Variants in CD300LG observed in about 807,000 individuals in gnomAD.
The protein encoded by CD300LG is CD300 molecule like family member g.
CD300LG carries 29 observed loss-of-function variants against 31.5 expected under a neutral mutation model. The ratio of observed to expected loss-of-function variants is 0.92; its 90% confidence interval spans 0.68 to 1.25. The LOEUF (loss-of-function observed/expected upper bound fraction) is 1.25. CD300LG is among the 50% of genes most tolerant of loss of function. The pLI is 0.00. For missense variants in CD300LG, 396 were observed against 417.6 expected, an observed-to-expected ratio of 0.95 and a Z score of 0.45; for synonymous variants, 175 against 177.2, an observed-to-expected ratio of 0.99 and a Z score of 0.10.
At chr17:43,851,979 G>A (rs527937598) in intron 2 of CD300LG, among the ~76,000 whole-genome samples, 11 of 152,258 alleles carry the variant, frequency 7.2e-5, no homozygotes, top group African/African-American at 2.6e-4. Flanking sequence ...AGACATTACA[G>A]AGGAGTTGAC....
At chr17:43,861,744 C>T in intron 6 of CD300LG, 54 bp from the exon 7 acceptor site, 1 of 1,265,862 alleles carries the variant, frequency 7.9e-7, no homozygotes. Context: ...CCCCTCACAC[C>T]TCCCACCCCT....
Position 43,863,109 on chromosome 17 carries a change from C to G in CD300LG, c.*1198C>G, listed in dbSNP as rs1458124190. 1.3e-5 allele frequency: 2 copies of G among 152,236 alleles called. No homozygotes were observed. Among genetic ancestry groups the G allele is most frequent in the African/African-American group, 4.8e-5 (2 of 41,442 alleles). The allele number at this position is 152,236 out of a possible 1,614,324, so 9.4% of individuals were successfully genotyped here. On this transcript the variant is annotated 3_prime_UTR_variant, in exon 7 of 7. Transcript: ENST00000317310. ...GTGGCACGATCTGCAAACTCCGCCT[C>G]CTGGGTTCAAGTGATTCTTCTGCCT...
At chr17:43,850,741 G>C (rs1477557286) in intron 2 of CD300LG, among the ~76,000 whole-genome samples, 2 of 152,032 alleles carry the variant, frequency 1.3e-5, no homozygotes, top group African/African-American at 2.4e-5. Flanking sequence ...GCCTCTCAAA[G>C]TGCTGAGATT....
rs374785527 is a variant in CD300LG at position 43,848,817 on chromosome 17, C to T, written c.303C>T (p.Asp101=). ...CCCTGTGGAACCTCACCCTGCAAGA[C>T]GCTGGGGAGTACTGGTGTGGGGTCG... ...IVTLWNLTLQ[D]AGEYWCGVEK... The change falls in exon 2 of 7, where the codon GAC becomes GAT. Residue 101 remains aspartate (D), a synonymous_variant. Coordinates refer to ENST00000317310, the MANE Select transcript of CD300LG (RefSeq NM_145273.4). 23 of 1,614,014 alleles carry T rather than the reference C, an allele frequency of 1.4e-5. No individual in the cohort carries two copies. Among genetic ancestry groups the T allele is most frequent in the East Asian group, 2.2e-5 (1 of 44,886 alleles).
Position 43,852,830 on chromosome 17 carries a change from G to A in CD300LG, c.380-82G>A, listed in dbSNP as rs554209444. 3.1e-5 allele frequency: 37 copies of A among 1,182,930 alleles called. 2 individuals carry two copies. The African/African-American group carries it at 5.1e-4, about 16-fold the overall frequency. 73.3% of individuals were successfully genotyped at this position (1,182,930 alleles called of 1,614,324 possible). ...TGCTCTGTGCTGAGGTGGGGGGTAG[G>A]AAAACTGCCAGCTGCTCCCAAGGAA... On this transcript the variant is annotated intron_variant, in intron 2 of 6. Transcript: ENST00000317310.
intron 6 of CD300LG, chr17:43,858,673 CTTGA>C (rs1453362372): frequency 6.1e-6 from 6 of 985,408 alleles, no homozygotes; most frequent in Non-Finnish European, 7.2e-6. Flanking sequence ...TCTGCTTTTT[CTTGA>C]TTATTTCCCT....
At chr17:43,851,015 A>G (rs1394371791) in intron 2 of CD300LG, among the ~76,000 whole-genome samples, 1 of 151,650 alleles carries the variant, frequency 6.6e-6, no homozygotes, top group Non-Finnish European at 1.5e-5. Flanking sequence ...GGTGCCTGTA[A>G]TCCCAGCTAC....
rs1436792266 is a variant in CD300LG at position 43,853,825 on chromosome 17, C to T, written c.500C>T (p.Pro167Leu). 14 of 1,613,694 alleles carry T rather than the reference C, an allele frequency of 8.7e-6. No individual in the cohort carries two copies. The highest frequency in any genetic ancestry group is 2.2e-5 in the East Asian group (1 of 44,892). The change falls in exon 4 of 7, where the codon CCG becomes CTG. Residue 167 changes from proline (P) to leucine (L), a missense_variant. Pro to Leu is a moderately conservative substitution (Grantham distance 98, BLOSUM62 -3). Coordinates refer to ENST00000317310, the MANE Select transcript of CD300LG (RefSeq NM_145273.4). ...CTTGTAGCTTCTCCTGGGCTCTACC[C>T]GGCAGCCACCACAGCCAAGCAGGGG... ...PPGLTSPGLY[P>L]AATTAKQGKT...
intron 6 of CD300LG, chr17:43,858,294 C>T (rs1228801973): frequency 1.3e-5 from 13 of 1,011,932 alleles, no homozygotes; most frequent in Admixed American, 5.2e-5. Context: ...TGGAGACACA[C>T]GGATGGATGG....
intron 2 of CD300LG, 89 bp from the exon 3 acceptor site, chr17:43,852,823 G>A: frequency 9.6e-7 from 1 of 1,037,222 alleles, no homozygotes; most frequent in South Asian, 1.5e-5. Context: ...GCTGAGGTGG[G>A]GGGTAGGAAA....
At chr17:43,854,905 GA>G (rs2046468227) in intron 4 of CD300LG, among the ~76,000 whole-genome samples, 1 of 152,198 alleles carries the variant, frequency 6.6e-6, no homozygotes, top group Admixed American at 6.5e-5. Context: ...CCATTTTACA[GA>G]GGAGGAAATT....
intron 5 of CD300LG, 172 bp downstream of exon 5, chr17:43,855,491 A>G (rs895959556): frequency 2.6e-5 from 12 of 460,766 alleles, no homozygotes; most frequent in African/African-American, 2.4e-4. Flanking sequence ...CGAGGTAGTC[A>G]ACATTAGGAA....
At position 43,852,937 on chromosome 17, in the gene CD300LG, T is replaced by C; in HGVS notation, c.405T>C (p.Ser135=). 6.2e-7 allele frequency: 1 copy of C among 1,612,788 alleles called. No individual in the cohort carries two copies. Among genetic ancestry groups the C allele is most frequent in the Non-Finnish European group, 8.5e-7 (1 of 1,179,440 alleles). ...FPGPCCPPSP[S]PTFQPLATTR... is the part of the protein sequence containing the mutation. ...GACCCTGCTGTCCTCCCTCCCCTTCTCCCACCTTCCAGCCTCTGGCTACAA... is the reference window on the plus strand; with the variant it reads ...GACCCTGCTGTCCTCCCTCCCCTTCCCCCACCTTCCAGCCTCTGGCTACAA... The change falls in exon 3 of 7, where the codon TCT becomes TCC. Residue 135 remains serine, a synonymous_variant. Coordinates refer to ENST00000317310, the MANE Select transcript of CD300LG (RefSeq NM_145273.4).
At chr17:43,857,895 G>A (rs2046571298) in intron 6 of CD300LG, 1 of 1,536,740 alleles carries the variant, frequency 6.5e-7, no homozygotes, top group Non-Finnish European at 8.7e-7. Flanking sequence ...AGGGGCAAGA[G>A]AATAAGGGTC....
intron 6 of CD300LG, among the ~76,000 whole-genome samples, chr17:43,859,204 C>A (rs1427783661): frequency 6.6e-6 from 1 of 152,154 alleles, no homozygotes; most frequent in Non-Finnish European, 1.5e-5. Flanking sequence ...GACTCCTCCC[C>A]CAGACTCAGG....
In CD300LG at chr17:43,848,901, A is replaced by G. The variant is rs756194750; in HGVS notation, c.379+8A>G. 3.0e-5 allele frequency: 48 copies of G among 1,602,890 alleles called. No individual in the cohort carries two copies. The Admixed American group carries it at 6.9e-4, about 23-fold the overall frequency. On this transcript the variant is annotated splice_region_variant and intron_variant, in intron 2 of 6. Coordinates refer to ENST00000317310, the MANE Select transcript of CD300LG (RefSeq NM_145273.4). Reference sequence around the variant, plus strand: ...CTCTGTTCGTCTTTCCAGGTAACAGATATCTCTCCTTCCCCAGGCTGGGGA... The same window carrying G: ...CTCTGTTCGTCTTTCCAGGTAACAGGTATCTCTCCTTCCCCAGGCTGGGGA...
intron 1 of CD300LG, among the ~76,000 whole-genome samples, chr17:43,847,889 T>G (rs1244965523): frequency 2.6e-5 from 4 of 152,134 alleles, no homozygotes; most frequent in Non-Finnish European, 4.4e-5. Context: ...AGGTCAAGGC[T>G]ACAGTGAGCC....
chr17:43,855,749 C>T (rs1328642610), intron 5 of CD300LG: 1 of 153,890 alleles, frequency 6.5e-6, no homozygotes, highest in African/African-American at 2.4e-5. Context: ...GGCTCAAATC[C>T]CAGCTCTGCC....
At chr17:43,859,161 G>A (rs568496633) in intron 6 of CD300LG, among the ~76,000 whole-genome samples, 2 of 152,130 alleles carry the variant, frequency 1.3e-5, no homozygotes, top group African/African-American at 4.8e-5. Context: ...AAGTACAAGG[G>A]GTTTGAGGAA....
Sources: gnomAD v4.1 joint callset for allele counts (sites outside exome capture counted in the v4.1 genomes callset) on GRCh38, gnomAD v4.1.1 for gene constraint, MANE v1.5 for transcripts, NCBI Gene and HGNC (gene_info 2026-07-23, HGNC 2026-07-21) for gene names.